Variants in EGFL8 observed in about 807,000 individuals in gnomAD.
EGFL8 encodes epidermal growth factor-like protein 8.
Under a neutral mutation model 39.4 loss-of-function variants are expected in EGFL8, and 32 were observed. That is an observed-to-expected ratio of 0.81 (90% CI 0.61 to 1.09). The LOEUF (loss-of-function observed/expected upper bound fraction) is 1.09, where lower values mean the gene tolerates loss of function less well. Among genes scored for constraint, EGFL8 ranks in the 50% least tolerant of loss-of-function variants. The pLI is 0.00. For missense variants in EGFL8, 385 were observed against 402.2 expected (o/e 0.96, Z 0.37); for synonymous variants, 177 against 168.5 (o/e 1.05, Z -0.39).
In EGFL8 at chr6:32,167,800, T is replaced by C; in HGVS notation, c.836-110T>C. On this transcript the variant is annotated intron_variant, in intron 8 of 8. Coordinates refer to ENST00000333845, the MANE Select transcript of EGFL8 (RefSeq NM_030652.4). This position sits in a 1 kb window ranked among gnomAD's most constrained non-coding sequence, Gnocchi z 6.4. ...CCTCTCCACTTTACCATCGTTCTCTTCTGAAATCCTGTCCCCAGCCCAACA... is the reference window on the plus strand; with the variant it reads ...CCTCTCCACTTTACCATCGTTCTCTCCTGAAATCCTGTCCCCAGCCCAACA... The C allele has an allele frequency of 6.5e-7, 1 of 1,535,800 alleles. No individual in the cohort carries two copies. Among genetic ancestry groups the C allele is most frequent in the Non-Finnish European group, 8.9e-7 (1 of 1,120,408 alleles).
Position 32,166,492 on chromosome 6 carries a change from A to T in EGFL8, c.102-6A>T, listed in dbSNP as rs1398266188. 2.5e-6 allele frequency: 4 copies of T among 1,613,318 alleles called. No individual in the cohort carries two copies. In the Admixed American group the frequency reaches 6.7e-5, roughly 27 times the overall value. On this transcript the variant is annotated splice_polypyrimidine_tract_variant and splice_region_variant and intron_variant, in intron 2 of 8. Transcript: ENST00000333845. This position sits in a 1 kb window ranked among gnomAD's most constrained non-coding sequence, Gnocchi z 7.3. ...TCTCCCACCTCATCCTCTGGCATGG[A>T]CGCAGTCAGGGAGTCTGCTCCAAGC...
intron 1 of EGFL8, chr6:32,165,920 G>A: frequency 1.7e-6 from 1 of 592,842 alleles, no homozygotes; most frequent in East Asian, 2.8e-5. Context: ...GAGTGTGCTG[G>A]GGTGTGAGCT....
In EGFL8 at chr6:32,168,122, C is replaced by A; in HGVS notation, c.*166C>A. 1.4e-6 allele frequency: 1 copy of A among 691,152 alleles called. No individual in the cohort carries two copies. Among genetic ancestry groups the A allele is most frequent in the Non-Finnish European group, 2.4e-6 (1 of 412,018 alleles). The allele number at this position is 691,152 out of a possible 1,614,324, so 42.8% of individuals were successfully genotyped here. A position where few individuals can be genotyped will look rare whatever the true frequency, so the allele number is the denominator to read the frequency against. Reference sequence around the variant, plus strand: ...GAAAGGGGGAGGCCTGTGTTCTTGGCCTGCCCCTGAGTCTTCTGGCTGGGG... The same window carrying A: ...GAAAGGGGGAGGCCTGTGTTCTTGGACTGCCCCTGAGTCTTCTGGCTGGGG... On this transcript the variant is annotated 3_prime_UTR_variant, in exon 9 of 9. Transcript: ENST00000333845. The surrounding 1 kb of genome is among the most constrained non-coding windows in gnomAD (Gnocchi z 4.5).
In EGFL8 at chr6:32,167,597, GTGACCGGA is replaced by G. The variant is rs1784650497; in HGVS notation, c.778_785del (p.Asp260ArgfsTer20). 1 of 1,611,152 alleles carries G rather than the reference GTGACCGGA, an allele frequency of 6.2e-7. No homozygotes were observed. The highest frequency in any genetic ancestry group is 8.5e-7 in the Non-Finnish European group (1 of 1,179,964). Reference sequence around the variant, plus strand: ...CAGGTGGCTGAGCTGTGGGGCCGGGGTGACCGGATCGAATCTCTCAGCGACCAGGTGCT... The same window carrying G: ...CAGGTGGCTGAGCTGTGGGGCCGGGGTCGAATCTCTCAGCGACCAGGTGCT... On this transcript the variant is annotated frameshift_variant, in exon 8 of 9. Transcript: ENST00000333845. LOFTEE classifies it high-confidence loss of function. This position sits in a 1 kb window ranked among gnomAD's most constrained non-coding sequence, Gnocchi z 6.4.
Position 32,167,513 on chromosome 6 carries a change from A to C in EGFL8, c.692A>C (p.Gln231Pro), listed in dbSNP as rs745933226. The C allele has an allele frequency of 1.9e-6, 3 of 1,607,966 alleles. No individual in the cohort carries two copies. The change falls in exon 8 of 9, where the codon CAG becomes CCG. Residue 231 changes from glutamine to proline, a missense_variant. Coordinates refer to ENST00000333845, the MANE Select transcript of EGFL8 (RefSeq NM_030652.4). This position sits in a 1 kb window ranked among gnomAD's most constrained non-coding sequence, Gnocchi z 6.4. ...RLERLEQWAG[Q>P]AGAWVRAVLP... ...TCTCTTCCTTTCTAGTGGGCCGGTC[A>C]GGCTGGGGCCTGGGTCAGAGCGGTG... is the stretch of plus-strand genomic sequence containing the variant.
In EGFL8 at chr6:32,167,450, G is replaced by A. The variant is rs1401564817; in HGVS notation, c.681+21G>A. On this transcript the variant is annotated intron_variant, in intron 7 of 8. Transcript: ENST00000333845. This position sits in a 1 kb window ranked among gnomAD's most constrained non-coding sequence, Gnocchi z 6.4. ...AGCAGGTGAGCCAAGCCTGCTGGGT[G>A]GGGCGAGGCCAGACGTCACTGTCAA... 3 of 1,612,236 alleles carry A rather than the reference G, an allele frequency of 1.9e-6. No homozygotes were observed. Among genetic ancestry groups the A allele is most frequent in the African/African-American group, 1.3e-5 (1 of 74,950 alleles).
rs146401113 is a variant in EGFL8, at chr6:32,167,508, C to A, written c.687C>A (p.Ala229=). 2 of 1,607,860 alleles carry A rather than the reference C, an allele frequency of 1.2e-6. No homozygotes were observed. Among genetic ancestry groups the A allele is most frequent in the Non-Finnish European group, 1.7e-6 (2 of 1,179,356 alleles). ...RGRLERLEQW[A]GQAGAWVRAV... ...AGGCATCTCTTCCTTTCTAGTGGGC[C>A]GGTCAGGCTGGGGCCTGGGTCAGAG... Residue 229 remains alanine (A), a synonymous_variant, in exon 8 of 9, where the codon GCC becomes GCA. Transcript: ENST00000333845. This position sits in a 1 kb window ranked among gnomAD's most constrained non-coding sequence, Gnocchi z 6.4.
In EGFL8 at chr6:32,167,359, C is replaced by T. The variant is rs2071289; in HGVS notation, c.611C>T (p.Ala204Val). ...TCTCCTTTGTCCCTAGTTCGGGAGGCGGAAAAAGATGAGCGCGCTCTGAAG... is the reference window on the plus strand; with the variant it reads ...TCTCCTTTGTCCCTAGTTCGGGAGGTGGAAAAAGATGAGCGCGCTCTGAAG... ...ASILSVAVREAEKDERALKQE... is the reference protein window; with the variant it reads ...ASILSVAVREVEKDERALKQE... The change falls in exon 7 of 9, where the codon GCG becomes GTG. Residue 204 changes from alanine (A) to valine (V), a missense_variant. Coordinates refer to ENST00000333845, the MANE Select transcript of EGFL8 (RefSeq NM_030652.4). The surrounding 1 kb of genome is among the most constrained non-coding windows in gnomAD (Gnocchi z 6.4). The T allele has an allele frequency of 4.3e-6, 7 of 1,612,996 alleles. No homozygotes were observed. Among genetic ancestry groups the T allele is most frequent in the African/African-American group, 1.3e-5 (1 of 75,034 alleles).
chr6:32,166,584 C>A lies in EGFL8; in HGVS notation c.188C>A (p.Thr63Asn). ...CAACCAGTGTACAAGCCCTACCTGA[C>A]CTTGTGCGCTGGGAGGCGCATCTGC... is the stretch of plus-strand genomic sequence containing the variant. ...YSQPVYKPYLTLCAGRRICST... is the reference protein window; with the variant it reads ...YSQPVYKPYLNLCAGRRICST... Residue 63 changes from threonine (T) to asparagine (N), a missense_variant, in exon 3 of 9, where the codon ACC becomes AAC. Thr to Asn is a moderately conservative substitution (Grantham distance 65, BLOSUM62 0). Transcript: ENST00000333845. The surrounding 1 kb of genome is among the most constrained non-coding windows in gnomAD (Gnocchi z 7.3). 6.2e-7 allele frequency: 1 copy of A among 1,614,210 alleles called. No homozygotes were observed. Among genetic ancestry groups the A allele is most frequent in the Non-Finnish European group, 8.5e-7 (1 of 1,180,032 alleles).
At position 32,166,190 on chromosome 6, in the gene EGFL8, ACT is replaced by A. The variant is rs1784464706; in HGVS notation, c.30_31del (p.Leu11ArgfsTer100). 2 of 1,613,740 alleles carry A rather than the reference ACT, an allele frequency of 1.2e-6. No homozygotes were observed. Among genetic ancestry groups the A allele is most frequent in the African/African-American group, 2.7e-5 (2 of 74,856 alleles). ...CATGGGGTCCAGGGCTGAGCTGTGCACTCTCTTAGGCGGATTCTCCTTCCTCC... is the reference window on the plus strand; with the variant it reads ...CATGGGGTCCAGGGCTGAGCTGTGCACTCTTAGGCGGATTCTCCTTCCTCC... MGSRAELC[T>X]LLGGFSFLLL... is the part of the protein sequence containing the mutation. On this transcript the variant is annotated frameshift_variant, in exon 2 of 9. Coordinates refer to ENST00000333845, the MANE Select transcript of EGFL8 (RefSeq NM_030652.4). LOFTEE classifies it high-confidence loss of function. This position sits in a 1 kb window ranked among gnomAD's most constrained non-coding sequence, Gnocchi z 7.3.
chr6:32,164,695 G>C lies in EGFL8; in HGVS notation c.-29+38G>C, dbSNP rs1343952230. ...AGAGAGAGGAAGGCAAGTGGGGAGAGAATTTCAAATGGGGAAAGAGTGGGG... is the reference window on the plus strand; with the variant it reads ...AGAGAGAGGAAGGCAAGTGGGGAGACAATTTCAAATGGGGAAAGAGTGGGG... On this transcript the variant is annotated intron_variant, in intron 1 of 8. Coordinates refer to ENST00000333845, the MANE Select transcript of EGFL8 (RefSeq NM_030652.4). This position sits in a 1 kb window ranked among gnomAD's most constrained non-coding sequence, Gnocchi z 5.4. 5.6e-6 allele frequency: 4 copies of C among 713,640 alleles called. No homozygotes were observed. Among genetic ancestry groups the C allele is most frequent in the Non-Finnish European group, 1.0e-5 (4 of 383,380 alleles). 44.2% of individuals were successfully genotyped at this position (713,640 alleles called of 1,614,324 possible). A position where few individuals can be genotyped will look rare whatever the true frequency, so the allele number is the denominator to read the frequency against.
chr6:32,166,969 T>C lies in EGFL8; in HGVS notation c.394T>C (p.Cys132Arg). ...GVCVRPDQCE[C>R]APGWGGKHCH... ...CTGCGTTAGGCCTGACCAGTGCGAG[T>C]GCGCCCCCGGCTGGGGAGGGAAGCA... Residue 132 changes from cysteine (C) to arginine (R), a missense_variant, in exon 5 of 9, where the codon TGC becomes CGC. Transcript: ENST00000333845. The surrounding 1 kb of genome is among the most constrained non-coding windows in gnomAD (Gnocchi z 7.3). The C allele has an allele frequency of 6.2e-7, 1 of 1,613,142 alleles. No homozygotes were observed.
Position 32,165,804 on chromosome 6 carries a change from A to C in EGFL8, c.-28-334A>C, listed in dbSNP as rs374607316. On this transcript the variant is annotated intron_variant, in intron 1 of 8. Coordinates refer to ENST00000333845, the MANE Select transcript of EGFL8 (RefSeq NM_030652.4). ...TCCTTCTCAAAAACAAAAACAAAAA[A>C]AAACCCAAAAAAAGACAGGAGGGTC... 5.7e-4 allele frequency: 221 copies of C among 388,142 alleles called. 2 individuals carry two copies. Among genetic ancestry groups the C allele is most frequent in the Middle Eastern group, 2.0e-3 (3 of 1,474 alleles). The allele number at this position is 388,142 out of a possible 1,614,324, so 24.0% of individuals were successfully genotyped here.
At position 32,167,608 on chromosome 6, in the gene EGFL8, G is replaced by C; in HGVS notation, c.787G>C (p.Glu263Gln). 6.2e-7 allele frequency: 1 copy of C among 1,611,200 alleles called. No homozygotes were observed. The highest frequency in any genetic ancestry group is 8.5e-7 in the Non-Finnish European group (1 of 1,179,896). ...AELWGRGDRI[E>Q]SLSDQVLLLE... is the part of the protein sequence containing the mutation. Reference sequence around the variant, plus strand: ...GCTGTGGGGCCGGGGTGACCGGATCGAATCTCTCAGCGACCAGGTGCTGCT... The same window carrying C: ...GCTGTGGGGCCGGGGTGACCGGATCCAATCTCTCAGCGACCAGGTGCTGCT... The change falls in exon 8 of 9, where the codon GAA (glutamate) becomes CAA (glutamine). Residue 263 changes from glutamate (E) to glutamine (Q), a missense_variant. Transcript: ENST00000333845. This position sits in a 1 kb window ranked among gnomAD's most constrained non-coding sequence, Gnocchi z 6.4.
chr6:32,166,897 C>T lies in EGFL8; in HGVS notation c.335-13C>T, dbSNP rs1784546663. On this transcript the variant is annotated splice_polypyrimidine_tract_variant and intron_variant, in intron 4 of 8. Coordinates refer to ENST00000333845, the MANE Select transcript of EGFL8 (RefSeq NM_030652.4). The surrounding 1 kb of genome is among the most constrained non-coding windows in gnomAD (Gnocchi z 7.3). ...GTCGGTTTGAGTCTGAACCCCACTTCCTCTGTCCTCAGCCATCTGCGCCAA... is the reference window on the plus strand; with the variant it reads ...GTCGGTTTGAGTCTGAACCCCACTTTCTCTGTCCTCAGCCATCTGCGCCAA... 2.5e-6 allele frequency: 4 copies of T among 1,606,116 alleles called. No individual in the cohort carries two copies. Among genetic ancestry groups the T allele is most frequent in the Non-Finnish European group, 3.4e-6 (4 of 1,174,920 alleles).
At position 32,167,877 on chromosome 6, in the gene EGFL8, C is replaced by T; in HGVS notation, c.836-33C>T. ...GCAGTGTAGTCCACTCCAGGCTGAC[C>T]ACAGCCACTGTGTCTGCCATGTCAT... On this transcript the variant is annotated intron_variant, in intron 8 of 8. Transcript: ENST00000333845. The surrounding 1 kb of genome is among the most constrained non-coding windows in gnomAD (Gnocchi z 6.4). The T allele has an allele frequency of 6.2e-7, 1 of 1,609,672 alleles. No homozygotes were observed. Among genetic ancestry groups the T allele is most frequent in the Non-Finnish European group, 8.5e-7 (1 of 1,175,980 alleles).
In EGFL8 at chr6:32,166,794, G is replaced by A; in HGVS notation, c.318G>A (p.Gly106=). The change falls in exon 4 of 9, where the codon GGG becomes GGA. Residue 106 remains glycine (G), a synonymous_variant. Coordinates refer to ENST00000333845, the MANE Select transcript of EGFL8 (RefSeq NM_030652.4). The surrounding 1 kb of genome is among the most constrained non-coding windows in gnomAD (Gnocchi z 7.3). Reference sequence around the variant, plus strand: ...AGGGCTGGAAGAAGCGGCACCCGGGGGCGCTCACCTGTGAAGGTGAGGCTG... The same window carrying A: ...AGGGCTGGAAGAAGCGGCACCCGGGAGCGCTCACCTGTGAAGGTGAGGCTG... The part of the protein sequence containing the change: ...CCQGWKKRHP[G]ALTCEAICAK... 1.3e-6 allele frequency: 2 copies of A among 1,569,808 alleles called. No homozygotes were observed. The highest frequency in any genetic ancestry group is 1.7e-6 in the Non-Finnish European group (2 of 1,156,776).
Position 32,166,770 on chromosome 6 carries a change from G to A in EGFL8, c.294G>A (p.Gln98=), listed in dbSNP as rs1447786685. ...AGCAGACCCATGCAGTGTGCTGCCA[G>A]GGCTGGAAGAAGCGGCACCCGGGGG... ...EVQQTHAVCC[Q]GWKKRHPGAL... The change falls in exon 4 of 9, where the codon CAG becomes CAA. Residue 98 remains glutamine (Q), a synonymous_variant. Coordinates refer to ENST00000333845, the MANE Select transcript of EGFL8 (RefSeq NM_030652.4). The surrounding 1 kb of genome is among the most constrained non-coding windows in gnomAD (Gnocchi z 7.3). 1 of 1,574,306 alleles carries A rather than the reference G, an allele frequency of 6.4e-7. No individual in the cohort carries two copies. Among genetic ancestry groups the A allele is most frequent in the African/African-American group, 1.4e-5 (1 of 73,940 alleles).
Position 32,166,638 on chromosome 6 carries a change from G to A in EGFL8, c.224+18G>A. On this transcript the variant is annotated intron_variant, in intron 3 of 8. Coordinates refer to ENST00000333845, the MANE Select transcript of EGFL8 (RefSeq NM_030652.4). This position sits in a 1 kb window ranked among gnomAD's most constrained non-coding sequence, Gnocchi z 7.3. The stretch of plus-strand genomic sequence containing the variant: ...ACTTACAGGTGAGGGATGGGGAGAT[G>A]GGACCCCAAGAACCCCAACTAGGAC... 6.2e-7 allele frequency: 1 copy of A among 1,614,194 alleles called. No individual in the cohort carries two copies. Among genetic ancestry groups the A allele is most frequent in the Non-Finnish European group, 8.5e-7 (1 of 1,180,020 alleles).
Sources: allele counts gnomAD v4.1 joint callset, GRCh38; gene constraint gnomAD v4.1.1; non-coding constraint Gnocchi (gnomAD v3.1); transcripts MANE v1.5; gene names NCBI Gene and HGNC (gene_info 2026-07-23, HGNC 2026-07-21).